ANKRD36: variants seen among roughly 807,000 people sequenced by gnomAD.
The protein encoded by ANKRD36 is ankyrin repeat domain-containing protein 36A.
ANKRD36 carries 179 observed loss-of-function variants against 278.1 expected under a neutral mutation model. The observed-to-expected ratio is 0.64, with a 90% CI of 0.57 to 0.73. ANKRD36 has a LOEUF of 0.73. Among genes scored for constraint, ANKRD36 ranks in the 30% least tolerant of loss-of-function variants. ANKRD36 has a pLI of 0.00. For missense variants in ANKRD36, 1,159 were observed against 1,956.7 expected (o/e 0.59, Z 7.69); for synonymous variants, 320 against 641.1 (o/e 0.50, Z 7.57).
At chr2:97,203,692 T>C (rs11889346) in intron 48 of ANKRD36, among the ~76,000 whole-genome samples, 3,462 of 149,344 alleles carry the variant, frequency 0.023, 146 homozygotes, top group African/African-American at 0.084. Context: ...TTATTTCCTG[T>C]ATGAAAGACA....
chr2:97,221,633 T>C (rs1217816529), intron 66 of ANKRD36, among the ~76,000 whole-genome samples: 1 of 149,592 alleles, frequency 6.7e-6, no homozygotes, highest in East Asian at 2.0e-4. Context: ...TTGTTTGTTT[T>C]TTTCTTGTAA....
intron 38 of ANKRD36, among the ~76,000 whole-genome samples, chr2:97,194,268 G>T (rs962271692): frequency 1.3e-5 from 2 of 151,654 alleles, no homozygotes; most frequent in South Asian, 2.1e-4. Context: ...TCGTAATTGT[G>T]TGCCTTCTCA....
At chr2:97,156,827 A>C (rs55884658) in intron 15 of ANKRD36, among the ~76,000 whole-genome samples, 77,584 of 137,370 alleles carry the variant, frequency 0.56, 24,395 homozygotes, top group Non-Finnish European at 0.75. Context: ...ACTAGTTTAC[A>C]GTCCCACCAA....
chr2:97,207,682 A>C, intron 52 of ANKRD36, 129 bp from the exon 53 acceptor site: 3 of 1,425,058 alleles, frequency 2.1e-6, no homozygotes, highest in South Asian at 2.5e-5. Flanking sequence ...CCCAGACACA[A>C]AGTAGAAGCC....
intron 17 of ANKRD36, among the ~76,000 whole-genome samples, chr2:97,161,770 A>C (rs903621888): frequency 1.3e-5 from 2 of 152,350 alleles, no homozygotes; most frequent in African/African-American, 4.8e-5. Flanking sequence ...TCACACTCTT[A>C]GTCTTCACTT....
intron 67 of ANKRD36, among the ~76,000 whole-genome samples, chr2:97,230,578 G>A (rs1379343333): frequency 1.3e-5 from 2 of 152,044 alleles, no homozygotes; most frequent in Non-Finnish European, 2.9e-5. Flanking sequence ...TTTGCCTTTG[G>A]TTTGAATTTC....
At position 97,113,981 on chromosome 2, in the gene ANKRD36, T is replaced by C. The variant is rs1436771418; in HGVS notation, c.197+45T>C. The C allele has an allele frequency of 2.6e-6, 4 of 1,568,424 alleles. No homozygotes were observed. In the South Asian group the frequency reaches 3.4e-5, roughly 13 times the overall value. ...GGGGCTGCGGGAGGAGGCCTGTGGA[T>C]GTGGAGAAGTACCCCTTTCCAGGCT... On this transcript the variant is annotated intron_variant, in intron 1 of 75. Transcript: ENST00000420699.
chr2:97,157,909 T>C (rs919537030), intron 15 of ANKRD36, among the ~76,000 whole-genome samples, 198 bp from the exon 16 acceptor site: 10 of 151,990 alleles, frequency 6.6e-5, no homozygotes, highest in African/African-American at 2.4e-4. Flanking sequence ...GAGTAACATT[T>C]TGAGAATATC....
chr2:97,117,440 G>T (rs2035783238), intron 1 of ANKRD36, among the ~76,000 whole-genome samples: 1 of 151,948 alleles, frequency 6.6e-6, no homozygotes, highest in African/African-American at 2.4e-5. Context: ...ATATCAATAA[G>T]ATAATGTTTA....
chr2:97,156,810 T>G (rs1350627471), intron 15 of ANKRD36, among the ~76,000 whole-genome samples: 2 of 147,604 alleles, frequency 1.4e-5, no homozygotes, highest in African/African-American at 5.0e-5. Context: ...ACTTCCACAA[T>G]GGTTGAACTA....
At chr2:97,183,976 GAGA>G (rs1227325487) in intron 28 of ANKRD36, among the ~76,000 whole-genome samples, 3 of 151,572 alleles carry the variant, frequency 2.0e-5, no homozygotes, top group South Asian at 2.1e-4. Flanking sequence ...GAAGGAGAAA[GAGA>G]AGAAGTAACA....
chr2:97,258,931 T>G (rs1346119819), intron 75 of ANKRD36, among the ~76,000 whole-genome samples: 1 of 144,444 alleles, frequency 6.9e-6, no homozygotes, highest in Non-Finnish European at 1.5e-5. Flanking sequence ...AAATTTTTAG[T>G]CATTATTTCA....
chr2:97,231,467 C>G (rs1342555796), intron 67 of ANKRD36, among the ~76,000 whole-genome samples: 1 of 152,154 alleles, frequency 6.6e-6, no homozygotes, highest in Non-Finnish European at 1.5e-5. Flanking sequence ...CCTGGTGTGC[C>G]GTTTTTTAAG....
intron 58 of ANKRD36, among the ~76,000 whole-genome samples, chr2:97,212,267 C>T (rs1243276086): frequency 6.6e-6 from 1 of 151,864 alleles, no homozygotes; most frequent in Non-Finnish European, 1.5e-5. Flanking sequence ...CTGAGGAAAC[C>T]TCAGTGAACT....
intron 48 of ANKRD36, among the ~76,000 whole-genome samples, chr2:97,203,740 G>A (rs1274616442): frequency 2.0e-5 from 3 of 151,220 alleles, no homozygotes; most frequent in Non-Finnish European, 4.4e-5. Context: ...CATTGATTCT[G>A]ACGTGTATGA....
chr2:97,207,540 C>T (rs1283205687), intron 52 of ANKRD36, among the ~76,000 whole-genome samples: 1 of 151,406 alleles, frequency 6.6e-6, no homozygotes, highest in Non-Finnish European at 1.5e-5. Flanking sequence ...CTCGGCATAT[C>T]CACGTTGATA....
chr2:97,220,542 C>T (rs1274625555), intron 66 of ANKRD36, among the ~76,000 whole-genome samples: 2 of 151,464 alleles, frequency 1.3e-5, no homozygotes, highest in African/African-American at 4.8e-5. Flanking sequence ...TCCTCCTGTT[C>T]CATCCATGTC....
intron 62 of ANKRD36, among the ~76,000 whole-genome samples, chr2:97,216,141 A>G (rs1298566130): frequency 6.6e-6 from 1 of 151,956 alleles, no homozygotes; most frequent in Non-Finnish European, 1.5e-5. Flanking sequence ...GATAAAGCAC[A>G]CTGACTCGTT....
At chr2:97,129,488 T>G (rs1365031781) in intron 6 of ANKRD36, among the ~76,000 whole-genome samples, 1 of 152,124 alleles carries the variant, frequency 6.6e-6, no homozygotes, top group East Asian at 1.9e-4. Flanking sequence ...AGATCCCATT[T>G]GTCAATTTTG....
Sources: allele counts gnomAD v4.1 joint callset (sites outside exome capture counted in the v4.1 genomes callset), GRCh38; gene constraint gnomAD v4.1.1; transcripts MANE v1.5; gene names NCBI Gene and HGNC (gene_info 2026-07-23, HGNC 2026-07-21).